The following NPTXR variants were observed in gnomAD, a reference collection of about 807,000 sequenced individuals.
NPTXR encodes the protein neuronal pentraxin receptor.
A neutral mutation model predicts 32.2 loss-of-function variants in NPTXR; 12 were observed. That is an observed-to-expected ratio of 0.37 (90% CI 0.24 to 0.60). The LOEUF (loss-of-function observed/expected upper bound fraction) is 0.60, where lower values mean the gene tolerates loss of function less well. Among genes scored for constraint, NPTXR ranks in the 20% least tolerant of loss-of-function variants. NPTXR has a pLI of 0.66. For missense variants in NPTXR, 612 were observed against 682.9 expected (o/e 0.90, Z 1.16); for synonymous variants, 323 against 315.8 (o/e 1.02, Z -0.24).
intron 3 of NPTXR, among the ~76,000 whole-genome samples, chr22:38,823,536 T>C (rs2093101634): frequency 6.6e-6 from 1 of 152,230 alleles, no homozygotes; most frequent in South Asian, 2.1e-4. Flanking sequence ...TAAGGTCACT[T>C]GGGGAGAGAG....
rs775381952 is a variant in NPTXR, at chr22:38,826,633, C to G, written c.965G>C (p.Cys322Ser). 3.7e-6 allele frequency: 6 copies of G among 1,614,146 alleles called. No homozygotes were observed. Among genetic ancestry groups the G allele is most frequent in the Non-Finnish European group, 5.1e-6 (6 of 1,180,056 alleles). Residue 322 changes from cysteine to serine, a missense_variant, in exon 3 of 5, where the codon TGC (cysteine) becomes TCC (serine). By Grantham distance (112) the Cys-to-Ser change is moderately radical (BLOSUM62 -1). Coordinates refer to ENST00000333039, the MANE Select transcript of NPTXR (RefSeq NM_014293.4). Reference sequence around the variant, plus strand: ...GCTGGACCTGGACCGCAGCCACATGCAGGCGGTGAATGCGTAGAGCTCGGG... The same window carrying G: ...GCTGGACCTGGACCGCAGCCACATGGAGGCGGTGAATGCGTAGAGCTCGGG...
rs544639959 is a variant in NPTXR, at chr22:38,826,889, C to A, written c.851-142G>T. Reference sequence around the variant, plus strand: ...TGCCTTCAGGGCTCTCTCTGCTCCACCTCTGTGTTGAGGGGTGTGATTAAA... The same window carrying A: ...TGCCTTCAGGGCTCTCTCTGCTCCAACTCTGTGTTGAGGGGTGTGATTAAA... On this transcript the variant is annotated intron_variant, in intron 2 of 4. Transcript: ENST00000333039. 259 of 950,096 alleles carry A rather than the reference C, an allele frequency of 2.7e-4. No individual in the cohort carries two copies. The African/African-American group carries it at 3.8e-3, about 14-fold the overall frequency. 58.9% of individuals were successfully genotyped at this position (950,096 alleles called of 1,614,324 possible). A position where few individuals can be genotyped will look rare whatever the true frequency, so the allele number is the denominator to read the frequency against.
At chr22:38,837,323 C>G (rs1428521165) in intron 1 of NPTXR, among the ~76,000 whole-genome samples, 1 of 152,132 alleles carries the variant, frequency 6.6e-6, no homozygotes, top group Non-Finnish European at 1.5e-5. Context: ...ACTGTGGGTC[C>G]ACATCCTCCA....
rs1480051239 is a variant in NPTXR at position 38,828,280 on chromosome 22, G to C, written c.850+7C>G. 7 of 1,611,998 alleles carry C rather than the reference G, an allele frequency of 4.3e-6. No individual in the cohort carries two copies. Among genetic ancestry groups the C allele is most frequent in the South Asian group, 1.1e-5 (1 of 91,002 alleles). ...CTCCAATGCCCTCTGCAGGACCCAG[G>C]ACCCACCGTGCTCCAGCTCAGCCAC... is the stretch of plus-strand genomic sequence containing the variant. On this transcript the variant is annotated splice_region_variant and intron_variant, in intron 2 of 4. Transcript: ENST00000333039.
rs1261646967 is a variant in NPTXR at position 38,843,569 on chromosome 22, G to A, written c.290C>T (p.Thr97Met). 2.4e-6 allele frequency: 3 copies of A among 1,227,594 alleles called. No individual in the cohort carries two copies. Among genetic ancestry groups the A allele is most frequent in the South Asian group, 3.4e-5 (1 of 29,762 alleles). The allele number at this position is 1,227,594 out of a possible 1,614,324, so 76.0% of individuals were successfully genotyped here. ...CGACGGGCAGGCAGCAGCCAGCGGC[G>A]TGCACAGGAAGCGGCTGAACAGGGG... Residue 97 changes from threonine to methionine, a missense_variant, in exon 1 of 5, where the codon ACG becomes ATG. Physicochemically the swap from Thr to Met is moderately conservative, Grantham distance 81. Transcript: ENST00000333039. The surrounding 1 kb of genome is among the most constrained non-coding windows in gnomAD (Gnocchi z 5.3).
intron 3 of NPTXR, among the ~76,000 whole-genome samples, chr22:38,824,045 T>G (rs1241637398): frequency 6.6e-6 from 1 of 151,992 alleles, no homozygotes; most frequent in African/African-American, 2.4e-5. Flanking sequence ...TGGTGTGATC[T>G]CAGCTCACCA....
At chr22:38,829,524 TAATTCAATGAGCTGCTAGGAGCTA>T (rs1286178484) in intron 1 of NPTXR, among the ~76,000 whole-genome samples, 2 of 152,180 alleles carry the variant, frequency 1.3e-5, no homozygotes, top group Non-Finnish European at 2.9e-5. Flanking sequence ...AGGAGATTAA[TAATTCAATGAGCTGCTAGGAGCTA>T]AATTAAACCT....
At chr22:38,826,429 C>T (rs1457108243) in intron 3 of NPTXR, 71 bp downstream of exon 3, 1 of 1,513,074 alleles carries the variant, frequency 6.6e-7, no homozygotes, top group Non-Finnish European at 8.9e-7. Context: ...AATGAAAGAG[C>T]CCAGTGTGGA....
At chr22:38,825,828 T>TTCTC (rs1028369767) in intron 3 of NPTXR, among the ~76,000 whole-genome samples, 1 of 143,290 alleles carries the variant, frequency 7.0e-6, no homozygotes, top group African/African-American at 2.6e-5. Flanking sequence ...TGCACCTCCC[T>TTCTC]TCTCTCTCTC....
At chr22:38,837,376 C>T (rs561482456) in intron 1 of NPTXR, among the ~76,000 whole-genome samples, 4 of 152,200 alleles carry the variant, frequency 2.6e-5, no homozygotes, top group African/African-American at 9.7e-5. Flanking sequence ...CATTCCACAG[C>T]CCCCCGCCAT....
chr22:38,826,422 G>A (rs2093106655), intron 3 of NPTXR, 78 bp downstream of exon 3: 2 of 1,488,072 alleles, frequency 1.3e-6, no homozygotes, highest in Non-Finnish European at 1.8e-6. Flanking sequence ...GCAGGAGAAT[G>A]AAAGAGCCCA....
At chr22:38,832,268 C>T (rs1448763757) in intron 1 of NPTXR, among the ~76,000 whole-genome samples, 10 of 152,240 alleles carry the variant, frequency 6.6e-5, no homozygotes. Context: ...CACTTCCCAT[C>T]TGCTGTGGGC....
chr22:38,822,912 C>T (rs951731466), intron 4 of NPTXR, 79 bp from the exon 5 acceptor site: 17 of 1,463,680 alleles, frequency 1.2e-5, no homozygotes, highest in Non-Finnish European at 1.6e-5. Flanking sequence ...CTCAGTCAGG[C>T]TCTTGTCCCC....
At position 38,822,502 on chromosome 22, in the gene NPTXR, T is replaced by A; in HGVS notation, c.*107A>T. 1.1e-6 allele frequency: 1 copy of A among 927,820 alleles called. No individual in the cohort carries two copies. The highest frequency in any genetic ancestry group is 1.7e-6 in the Non-Finnish European group (1 of 600,494). 57.5% of individuals were successfully genotyped at this position (927,820 alleles called of 1,614,324 possible). On this transcript the variant is annotated 3_prime_UTR_variant, in exon 5 of 5. Transcript: ENST00000333039. Reference sequence around the variant, plus strand: ...GGGAAATGGGAGGCACAGCCAGGAGTGGGGCAGGAGGGAAGGCCAGTGCGT... The same window carrying A: ...GGGAAATGGGAGGCACAGCCAGGAGAGGGGCAGGAGGGAAGGCCAGTGCGT...
rs1351235606 is a variant in NPTXR at position 38,819,277 on chromosome 22, T to A, written c.*3332A>T. 7 of 152,364 alleles carry A rather than the reference T, an allele frequency of 4.6e-5. No individual in the cohort carries two copies. In the East Asian group the frequency reaches 1.4e-3, roughly 29 times the overall value. The allele number at this position is 152,364 out of a possible 1,614,324, so 9.4% of individuals were successfully genotyped here. A position where few individuals can be genotyped will look rare whatever the true frequency, so the allele number is the denominator to read the frequency against. ...TCAGCTTCCTTTTCTTTTTTGGCTC[T>A]CCTGTGAACTCTAGCTGAGCTAAAG... On this transcript the variant is annotated 3_prime_UTR_variant, in exon 5 of 5. Transcript: ENST00000333039.
rs1019096168 is a variant in NPTXR, at chr22:38,821,956, G to A, written c.*653C>T. 4 of 154,854 alleles carry A rather than the reference G, an allele frequency of 2.6e-5. No individual in the cohort carries two copies. The highest frequency in any genetic ancestry group is 9.7e-5 in the African/African-American group (4 of 41,290). The allele number at this position is 154,854 out of a possible 1,614,324, so 9.6% of individuals were successfully genotyped here. A position where few individuals can be genotyped will look rare whatever the true frequency, so the allele number is the denominator to read the frequency against. ...TTCCCTCCAGGCTGGAGCTGGGAAA[G>A]GAATGTCCTGGAGACTGAGGTGGGG... On this transcript the variant is annotated 3_prime_UTR_variant, in exon 5 of 5. Coordinates refer to ENST00000333039, the MANE Select transcript of NPTXR (RefSeq NM_014293.4).
At chr22:38,838,374 T>C (rs754140838) in intron 1 of NPTXR, among the ~76,000 whole-genome samples, 1 of 151,962 alleles carries the variant, frequency 6.6e-6, no homozygotes, top group Non-Finnish European at 1.5e-5. Context: ...TAAGCTAATA[T>C]GTATCTAGTA....
At position 38,826,563 on chromosome 22, in the gene NPTXR, C is replaced by T. The variant is rs752696781; in HGVS notation, c.1035G>A (p.Gln345=). Residue 345 remains glutamine (Q), a synonymous_variant, in exon 3 of 5, where the codon CAG becomes CAA. Coordinates refer to ENST00000333039, the MANE Select transcript of NPTXR (RefSeq NM_014293.4). ...CCTCTAGCAGTACAATCTCGTTGGC[C>T]TGCCCGGGCACTGAGTAGGAGAAGG... is the stretch of plus-strand genomic sequence containing the variant. 5.1e-5 allele frequency: 83 copies of T among 1,614,218 alleles called. No individual in the cohort carries two copies. Among genetic ancestry groups the T allele is most frequent in the Non-Finnish European group, 6.9e-5 (82 of 1,180,026 alleles).
At position 38,822,006 on chromosome 22, in the gene NPTXR, T is replaced by G; in HGVS notation, c.*603A>C. 8.0e-6 allele frequency: 1 copy of G among 124,476 alleles called. No individual in the cohort carries two copies. Among genetic ancestry groups the G allele is most frequent in the Non-Finnish European group, 1.5e-5 (1 of 64,736 alleles). The allele number at this position is 124,476 out of a possible 1,614,324, so 7.7% of individuals were successfully genotyped here. On this transcript the variant is annotated 3_prime_UTR_variant, in exon 5 of 5. Transcript: ENST00000333039. ...GCTGGGCCAGGCATGGAACCAACATTCAAACCGCTACACACAAAGAGAGGA... is the reference window on the plus strand; with the variant it reads ...GCTGGGCCAGGCATGGAACCAACATGCAAACCGCTACACACAAAGAGAGGA...
Sources: allele counts gnomAD v4.1 joint callset (sites outside exome capture counted in the v4.1 genomes callset), GRCh38; gene constraint gnomAD v4.1.1; non-coding constraint Gnocchi (gnomAD v3.1); transcripts MANE v1.5; gene names NCBI Gene and HGNC (gene_info 2026-07-23, HGNC 2026-07-21).